Variants in FSTL4 observed in about 807,000 individuals in gnomAD.
FSTL4 encodes the protein follistatin like 4, also known as follistatin-related protein 4.
Under a neutral mutation model 78.2 loss-of-function variants are expected in FSTL4, and 28 were observed. That is an observed-to-expected ratio of 0.36 (90% confidence interval 0.27 to 0.49). The LOEUF (loss-of-function observed/expected upper bound fraction) is 0.49. Ranked by LOEUF, FSTL4 falls within the 20% of genes least tolerant of loss-of-function variation. The pLI is 0.98. For synonymous variants in FSTL4, 422 were observed against 440.5 expected (o/e 0.96, Z 0.53); for missense variants, 922 against 1,084.9 (o/e 0.85, Z 2.11).
At chr5:133,209,848 G>T in intron 14 of FSTL4, 2 of 225,316 alleles carry the variant, frequency 8.9e-6, no homozygotes, top group Non-Finnish European at 1.8e-5. Flanking sequence ...TGCTTGCTTT[G>T]ACACTATTCT....
intron 3 of FSTL4, among the ~76,000 whole-genome samples, chr5:133,562,075 G>A (rs1390489616): frequency 1.3e-5 from 2 of 152,136 alleles, no homozygotes; most frequent in African/African-American, 4.8e-5. Flanking sequence ...GTGGCATGGG[G>A]GAAGGAAAAG....
chr5:133,546,030 G>A (rs533689874), intron 3 of FSTL4, among the ~76,000 whole-genome samples: 1 of 152,352 alleles, frequency 6.6e-6, no homozygotes, highest in South Asian at 2.1e-4. Flanking sequence ...TAAGAGCAAT[G>A]AATTAGAATA....
the FSTL4 span, among the ~76,000 whole-genome samples, chr5:133,697,006 C>T: frequency 6.6e-6 from 1 of 152,254 alleles, no homozygotes; most frequent in Non-Finnish European, 1.5e-5. Context: ...GCAGCTACCT[C>T]AGCCGCAGTG....
the FSTL4 span, among the ~76,000 whole-genome samples, chr5:133,702,539 T>A: frequency 1.3e-5 from 2 of 151,662 alleles, no homozygotes; most frequent in African/African-American, 4.8e-5. Context: ...GAGGGGTGAG[T>A]GGGAACAGGC....
At chr5:133,525,273 AGGGCTG>A (rs1401073795) in intron 3 of FSTL4, among the ~76,000 whole-genome samples, 4 of 152,172 alleles carry the variant, frequency 2.6e-5, no homozygotes, top group Non-Finnish European at 5.9e-5. Context: ...ATGCTTGATG[AGGGCTG>A]GGTTGTTTCC....
intron 3 of FSTL4, among the ~76,000 whole-genome samples, chr5:133,540,919 T>C (rs555035912): frequency 6.6e-6 from 1 of 152,214 alleles, no homozygotes; most frequent in South Asian, 2.1e-4. Flanking sequence ...ATCCAACTTC[T>C]TGGAACATTT....
intron 4 of FSTL4, among the ~76,000 whole-genome samples, chr5:133,328,662 C>T (rs560682807): frequency 6.6e-6 from 1 of 152,334 alleles, no homozygotes; most frequent in South Asian, 2.1e-4. Flanking sequence ...TGAACTCCGG[C>T]TCCCCCTTTG....
chr5:133,353,258 C>A (rs1754869303), intron 4 of FSTL4, among the ~76,000 whole-genome samples: 1 of 152,232 alleles, frequency 6.6e-6, no homozygotes, highest in Admixed American at 6.5e-5. Flanking sequence ...GTAATTGGGC[C>A]TTACAAATGC....
intron 3 of FSTL4, among the ~76,000 whole-genome samples, chr5:133,540,720 C>CAAAAAAAAAAAAAAAAAAAGAAAAAAAA (rs1759449952): frequency 1.4e-5 from 1 of 70,264 alleles, no homozygotes; most frequent in African/African-American, 5.7e-5. Context: ...TTAACATAGG[C>CAAAAAAAAAAAAAAAAAAAGAAAAAAAA]AAAAAAAAAA....
intron 6 of FSTL4, among the ~76,000 whole-genome samples, chr5:133,285,310 T>G (rs1753104551): frequency 6.6e-6 from 1 of 152,210 alleles, no homozygotes; most frequent in Non-Finnish European, 1.5e-5. Flanking sequence ...TAAAATCTTG[T>G]AATAGTAATA....
chr5:133,479,733 G>A (rs531295479), intron 3 of FSTL4, among the ~76,000 whole-genome samples: 1 of 152,286 alleles, frequency 6.6e-6, no homozygotes, highest in East Asian at 1.9e-4. Flanking sequence ...TGCAGGTGAT[G>A]AAAATGTTCT....
intron 3 of FSTL4, among the ~76,000 whole-genome samples, chr5:133,469,200 G>A (rs1400479593): frequency 1.3e-5 from 2 of 152,172 alleles, no homozygotes; most frequent in South Asian, 2.1e-4. Flanking sequence ...CCTCAGGACC[G>A]GATTGTGAAG....
chr5:133,667,814 C>G, the FSTL4 span, among the ~76,000 whole-genome samples: 1 of 152,340 alleles, frequency 6.6e-6, no homozygotes, highest in East Asian at 1.9e-4. Context: ...TTTTCTTCTA[C>G]TAGATTACAG....
At chr5:133,235,510 A>G (rs1316428302) in intron 7 of FSTL4, among the ~76,000 whole-genome samples, 1 of 151,484 alleles carries the variant, frequency 6.6e-6, no homozygotes, top group African/African-American at 2.4e-5. Flanking sequence ...AAAAAAAAAA[A>G]AAAAAAAAGA....
intron 3 of FSTL4, among the ~76,000 whole-genome samples, chr5:133,445,279 G>A (rs1357146254): frequency 6.6e-6 from 1 of 152,182 alleles, no homozygotes; most frequent in East Asian, 1.9e-4. Flanking sequence ...TTCCAGGTGA[G>A]GGACTGGCCT....
At chr5:133,577,615 T>C (rs984863671) in intron 2 of FSTL4, among the ~76,000 whole-genome samples, 2 of 152,178 alleles carry the variant, frequency 1.3e-5, no homozygotes, top group African/African-American at 4.8e-5. Context: ...TTTCTCATCT[T>C]CCCAGAAGAC....
At position 133,282,399 on chromosome 5, in the gene FSTL4, G is replaced by C. The variant is rs1429233382; in HGVS notation, c.727+30255C>G. On this transcript the variant is annotated intron_variant, in intron 6 of 15. Coordinates refer to ENST00000265342, the MANE Select transcript of FSTL4 (RefSeq NM_015082.2). ...GTAGGAAATCTGTGGCCATTTGGGG[G>C]AGAAGCCACCAGTTCTGGTTTCTGG... Among the ~76,000 whole-genome samples, 3 of 152,304 alleles carry C rather than the reference G, an allele frequency of 2.0e-5. No homozygotes were observed. In the East Asian group the frequency reaches 5.8e-4, roughly 29 times the overall value.
chr5:133,467,094 G>C (rs1757727447), intron 3 of FSTL4, among the ~76,000 whole-genome samples: 1 of 151,792 alleles, frequency 6.6e-6, no homozygotes, highest in Non-Finnish European at 1.5e-5. Flanking sequence ...GAGTGTAAGA[G>C]TGTGTGTGTA....
chr5:133,562,843 G>A (rs1231505218), intron 3 of FSTL4, among the ~76,000 whole-genome samples: 1 of 152,180 alleles, frequency 6.6e-6, no homozygotes, highest in Non-Finnish European at 1.5e-5. Context: ...TTCGCTCATG[G>A]CTGTAATTCA....
Sources: allele counts gnomAD v4.1 joint callset (sites outside exome capture counted in the v4.1 genomes callset), GRCh38; gene constraint gnomAD v4.1.1; transcripts MANE v1.5; gene names NCBI Gene and HGNC (gene_info 2026-07-23, HGNC 2026-07-21).